DOCK8: variants seen among roughly 807,000 people sequenced by gnomAD.
DOCK8 encodes the protein dedicator of cytokinesis protein 8.
In DOCK8, 141 loss-of-function variants were observed where a neutral mutation model predicts 245.6. The ratio of observed to expected loss-of-function variants is 0.57; its 90% confidence interval spans 0.50 to 0.66. The LOEUF is 0.66. Among genes scored for constraint, DOCK8 ranks in the 30% least tolerant of loss-of-function variants. The pLI is 0.00. For missense variants in DOCK8, 2,965 were observed against 2,603.4 expected (o/e 1.14, Z -3.02); for synonymous variants, 1,168 against 970.2 (o/e 1.20, Z -3.79).
intron 1 of DOCK8, among the ~76,000 whole-genome samples, chr9:249,414 C>T (rs976557299): frequency 1.3e-5 from 2 of 152,174 alleles, no homozygotes; most frequent in Non-Finnish European, 2.9e-5. Context: ...AGCAATCTCA[C>T]AGCCTCAATA....
intron 1 of DOCK8, among the ~76,000 whole-genome samples, chr9:216,768 G>A (rs2046765426): frequency 6.6e-6 from 1 of 152,120 alleles, no homozygotes; most frequent in Non-Finnish European, 1.5e-5. Flanking sequence ...GCAGAAAGAT[G>A]TTAGAAACTA....
Position 368,099 on chromosome 9 carries a change from G to A in DOCK8, c.1761G>A (p.Gln587=). The A allele has an allele frequency of 4.3e-6, 7 of 1,614,198 alleles. No homozygotes were observed. Among genetic ancestry groups the A allele is most frequent in the Non-Finnish European group, 5.9e-6 (7 of 1,180,022 alleles). ...CCCGGAACATTACAATAAAGATCCA[G>A]TTTATGTGTGGAGAAGATGCTAGCA... ...ASARNITIKI[Q]FMCGEDASNA... Residue 587 remains glutamine, a synonymous_variant, in exon 15 of 48, where the codon CAG becomes CAA. Coordinates refer to ENST00000432829, the MANE Select transcript of DOCK8 (RefSeq NM_203447.4).
chr9:317,040 TAGG>T lies in DOCK8; in HGVS notation c.744_746del (p.Glu248del). ...GATTTCCTTACGATGTGATTAAAAA[TAGG>T]AGGATGCTGTGGAAATACGTCCAGT... On this transcript the variant is annotated splice_acceptor_variant and coding_sequence_variant, in exon 7 of 48. Transcript: ENST00000432829. LOFTEE classifies it high-confidence loss of function. 2.5e-6 allele frequency: 4 copies of T among 1,610,896 alleles called. No individual in the cohort carries two copies. The highest frequency in any genetic ancestry group is 3.4e-6 in the Non-Finnish European group (4 of 1,177,076).
intron 1 of DOCK8, among the ~76,000 whole-genome samples, chr9:267,202 G>A (rs1460335641): frequency 6.6e-6 from 1 of 152,134 alleles, no homozygotes; most frequent in Non-Finnish European, 1.5e-5. Flanking sequence ...TATGCAATTT[G>A]TTTGTTTTTG....
chr9:398,799 A>G (rs898998241), intron 25 of DOCK8, among the ~76,000 whole-genome samples: 12 of 151,878 alleles, frequency 7.9e-5, no homozygotes, highest in Admixed American at 7.9e-4. Flanking sequence ...TTGCCAAAAA[A>G]AAAGAAAATA....
At chr9:237,712 G>C (rs2047287773) in intron 1 of DOCK8, among the ~76,000 whole-genome samples, 1 of 152,144 alleles carries the variant, frequency 6.6e-6, no homozygotes, top group Admixed American at 6.5e-5. Flanking sequence ...GAAGTGGCAA[G>C]TGCAACTAAA....
At chr9:455,205 C>T (rs1382351068) in intron 46 of DOCK8, among the ~76,000 whole-genome samples, 1 of 152,150 alleles carries the variant, frequency 6.6e-6, no homozygotes, top group African/African-American at 2.4e-5. Flanking sequence ...TGTCAAAATG[C>T]AGATTTTGGC....
chr9:334,808 G>A (rs533435429), intron 11 of DOCK8, among the ~76,000 whole-genome samples: 6 of 152,246 alleles, frequency 3.9e-5, no homozygotes, highest in South Asian at 2.1e-4. Flanking sequence ...GGAACAGGGC[G>A]TGGTGGCTCA....
In DOCK8 at chr9:465,094, A is replaced by C. The variant is rs149823673; in HGVS notation, c.*875A>C. On this transcript the variant is annotated 3_prime_UTR_variant, in exon 48 of 48. Coordinates refer to ENST00000432829, the MANE Select transcript of DOCK8 (RefSeq NM_203447.4). Reference sequence around the variant, plus strand: ...TCAGAACATTGTGCTGTCTGTCAGCATATGTATATCAGCTACAAAATATAT... The same window carrying C: ...TCAGAACATTGTGCTGTCTGTCAGCCTATGTATATCAGCTACAAAATATAT... 14 of 152,774 alleles carry C rather than the reference A, an allele frequency of 9.2e-5. No homozygotes were observed. The highest frequency in any genetic ancestry group is 3.9e-4 in the Admixed American group (6 of 15,300). The allele number at this position is 152,774 out of a possible 1,614,324, so 9.5% of individuals were successfully genotyped here. A position where few individuals can be genotyped will look rare whatever the true frequency, so the allele number is the denominator to read the frequency against.
chr9:443,353 T>C (rs1352287390), intron 42 of DOCK8, 74 bp from the exon 43 acceptor site: 11 of 1,434,238 alleles, frequency 7.7e-6, no homozygotes, highest in African/African-American at 2.8e-5. Flanking sequence ...TCCAAACTTA[T>C]TTCACTTCCA....
At position 404,836 on chromosome 9, in the gene DOCK8, A is replaced by G. The variant is rs1348284838; in HGVS notation, c.3235-82A>G. 1.3e-5 allele frequency: 19 copies of G among 1,468,040 alleles called. No homozygotes were observed. In the African/African-American group the frequency reaches 1.4e-4, roughly 11 times the overall value. The allele number at this position is 1,468,040 out of a possible 1,614,324, so 90.9% of individuals were successfully genotyped here. A position where few individuals can be genotyped will look rare whatever the true frequency, so the allele number is the denominator to read the frequency against. The stretch of plus-strand genomic sequence containing the variant: ...AATTGATTGCCTTAACCTGGAGAGA[A>G]AGGATATTTTTGTGTCTGCCAACCT... On this transcript the variant is annotated intron_variant, in intron 26 of 47. Coordinates refer to ENST00000432829, the MANE Select transcript of DOCK8 (RefSeq NM_203447.4).
At chr9:222,448 G>T (rs367564766) in intron 1 of DOCK8, among the ~76,000 whole-genome samples, 6 of 152,060 alleles carry the variant, frequency 3.9e-5, no homozygotes, top group African/African-American at 1.4e-4. Flanking sequence ...CCAAATTGAC[G>T]CCCAGAAAAG....
intron 32 of DOCK8, among the ~76,000 whole-genome samples, chr9:421,413 C>G (rs7042597): frequency 0.51 from 78,051 of 152,058 alleles, 21,005 homozygotes; most frequent in Non-Finnish European, 0.62. Flanking sequence ...TCTATGTGAC[C>G]TTTGGCTAGT....
At chr9:433,549 C>T (rs1258620834) in intron 37 of DOCK8, among the ~76,000 whole-genome samples, 1 of 152,152 alleles carries the variant, frequency 6.6e-6, no homozygotes, top group Non-Finnish European at 1.5e-5. Context: ...CCCTGATATT[C>T]CAGAGTAGAG....
chr9:327,846 T>C (rs537915963), intron 8 of DOCK8, among the ~76,000 whole-genome samples, 176 bp from the exon 9 acceptor site: 40 of 152,326 alleles, frequency 2.6e-4, no homozygotes, highest in Admixed American at 5.2e-4. Flanking sequence ...TACCTAGACA[T>C]TGTGACAAAA....
chr9:378,094 C>T (rs1027070904), intron 20 of DOCK8, among the ~76,000 whole-genome samples: 2 of 152,156 alleles, frequency 1.3e-5, no homozygotes, highest in African/African-American at 2.4e-5. Context: ...GCATCTCAGA[C>T]CTCAGAGGAC....
At chr9:214,579 G>A (rs1303935936), upstream of DOCK8, 21 of 1,614,028 alleles carry the variant, frequency 1.3e-5, no homozygotes, top group Non-Finnish European at 1.5e-5. Flanking sequence ...TACATTCCCT[G>A]GCAGCCTCGC....
intron 14 of DOCK8, among the ~76,000 whole-genome samples, chr9:344,625 A>G (rs2051780438): frequency 6.6e-6 from 1 of 152,154 alleles, no homozygotes; most frequent in South Asian, 2.1e-4. Flanking sequence ...CATATCTCAA[A>G]AAACCTGGAC....
chr9:396,461 G>C (rs546197548), intron 24 of DOCK8, among the ~76,000 whole-genome samples: 11 of 152,306 alleles, frequency 7.2e-5, no homozygotes, highest in African/African-American at 2.6e-4. Flanking sequence ...GGTTACAGGA[G>C]CCCAGCTCAG....
Sources: gnomAD v4.1 joint callset for allele counts (sites outside exome capture counted in the v4.1 genomes callset) on GRCh38, gnomAD v4.1.1 for gene constraint, MANE v1.5 for transcripts, NCBI Gene and HGNC (gene_info 2026-07-23, HGNC 2026-07-21) for gene names.